Variants in BTBD9 observed in about 807,000 individuals in gnomAD.
BTBD9 encodes the protein BTB/POZ domain-containing protein 9.
In BTBD9, 49 loss-of-function variants were observed where a neutral mutation model predicts 64.3. The ratio of observed to expected loss-of-function variants is 0.76; its 90% CI spans 0.61 to 0.97. BTBD9 has a LOEUF of 0.97. BTBD9 is among the 50% of genes least tolerant of loss of function. The pLI, the probability that BTBD9 is intolerant of heterozygous loss-of-function variation, is 0.00. For missense variants in BTBD9, 598 were observed against 762.1 expected (o/e 0.78, Z 2.53); for synonymous variants, 260 against 274.7 (o/e 0.95, Z 0.53).
chr6:38,454,563 G>A (rs1346708602), intron 6 of BTBD9, among the ~76,000 whole-genome samples: 11 of 150,526 alleles, frequency 7.3e-5, no homozygotes, highest in Admixed American at 6.7e-4. Flanking sequence ...TTAGGAGGCC[G>A]ACACATGAGG....
chr6:38,518,306 C>T (rs960676950), intron 6 of BTBD9, among the ~76,000 whole-genome samples: 1 of 152,158 alleles, frequency 6.6e-6, no homozygotes, highest in Admixed American at 6.5e-5. Flanking sequence ...CTCCTCCCAA[C>T]GTGAAAAGAG....
intron 6 of BTBD9, among the ~76,000 whole-genome samples, chr6:38,359,457 G>T (rs1764867585): frequency 6.6e-6 from 1 of 152,186 alleles, no homozygotes. Flanking sequence ...GTCTTCTGGA[G>T]TCCCTGTCAG....
chr6:38,220,873 T>C lies in BTBD9; in HGVS notation c.1563-28276A>G, dbSNP rs140725576. On this transcript the variant is annotated intron_variant, in intron 9 of 10. Transcript: ENST00000481247. ...TCTCCTTTCCAGCTCCCTCCACCCA[T>C]GCATGTGAGTCTAGGCTTGGGGATG... is the stretch of plus-strand genomic sequence containing the variant. Among the ~76,000 whole-genome samples the C allele has an allele frequency of 6.6e-5, 10 of 152,292 alleles. No individual in the cohort carries two copies. The East Asian group carries it at 1.9e-3, about 29-fold the overall frequency.
Position 38,175,067 on chromosome 6 carries a change from T to C in BTBD9, c.1757A>G (p.His586Arg). 6.2e-7 allele frequency: 1 copy of C among 1,614,230 alleles called. No individual in the cohort carries two copies. The highest frequency in any genetic ancestry group is 8.5e-7 in the Non-Finnish European group (1 of 1,180,048). ...TSLAGQQLDS[H>R]ALRAPSGSSL... is the part of the protein sequence containing the mutation. ...GCTGCCACTAGGCGCCCGCAGCGCA[T>C]GGGAGTCGAGCTGCTGACCGGCCAG... Residue 586 changes from histidine (H) to arginine (R), a missense_variant, in exon 11 of 11, where the codon CAT (histidine) becomes CGT (arginine). By Grantham distance (29) the His-to-Arg change is conservative. Coordinates refer to ENST00000481247, the MANE Select transcript of BTBD9 (RefSeq NM_001099272.2).
intron 4 of BTBD9, chr6:38,588,448 AC>A (rs769151745): frequency 1.2e-6 from 1 of 809,950 alleles, no homozygotes; most frequent in Non-Finnish European, 2.1e-6. Flanking sequence ...AAGTAGCATG[AC>A]CCCTCCTCCA....
At chr6:38,306,166 G>A (rs988912391) in intron 7 of BTBD9, among the ~76,000 whole-genome samples, 5 of 152,152 alleles carry the variant, frequency 3.3e-5, no homozygotes, top group East Asian at 1.9e-4. Context: ...TTTCATATGC[G>A]TCTGATAAAT....
At chr6:38,578,953 G>A (rs920055305) in intron 5 of BTBD9, among the ~76,000 whole-genome samples, 3 of 151,966 alleles carry the variant, frequency 2.0e-5, no homozygotes, top group African/African-American at 7.3e-5. Flanking sequence ...AGTGAAATAC[G>A]TAAAGCTTTT....
At chr6:38,393,981 G>A (rs752009464) in intron 6 of BTBD9, among the ~76,000 whole-genome samples, 3 of 152,158 alleles carry the variant, frequency 2.0e-5, no homozygotes, top group Non-Finnish European at 4.4e-5. Context: ...CAGTTCTCTA[G>A]GAGTTCAGAG....
chr6:38,549,952 T>C (rs747829724), intron 6 of BTBD9, among the ~76,000 whole-genome samples: 2 of 152,116 alleles, frequency 1.3e-5, no homozygotes, highest in Non-Finnish European at 2.9e-5. Flanking sequence ...CTTCCCTGCT[T>C]GGCTTTCAAG....
At chr6:38,325,232 A>G (rs1395793109) in intron 7 of BTBD9, among the ~76,000 whole-genome samples, 2 of 152,192 alleles carry the variant, frequency 1.3e-5, no homozygotes, top group African/African-American at 4.8e-5. Flanking sequence ...GGAGTATATT[A>G]AGGAAATAAA....
chr6:38,271,929 C>T (rs924455733), intron 8 of BTBD9, among the ~76,000 whole-genome samples: 1 of 150,762 alleles, frequency 6.6e-6, no homozygotes, highest in African/African-American at 2.4e-5. Context: ...TGCCTTTCAC[C>T]CTAAATTTCT....
intron 1 of BTBD9, among the ~76,000 whole-genome samples, chr6:38,613,578 T>C (rs1777689109): frequency 6.6e-6 from 1 of 151,988 alleles, no homozygotes; most frequent in South Asian, 2.1e-4. Flanking sequence ...CACTCCAACC[T>C]GGGCGACAGG....
chr6:38,266,596 GGAAAGAAAGGAAAGAAAGAAAGAAA>G (rs1429101032), intron 8 of BTBD9, among the ~76,000 whole-genome samples: 137 of 91,618 alleles, frequency 1.5e-3, no homozygotes, highest in Non-Finnish European at 2.0e-3. Context: ...AGGAAAGAAA[GGAAAGAAAGGAAAGAAAGAAAGAAA>G]GAAAGAAAGA....
intron 6 of BTBD9, among the ~76,000 whole-genome samples, chr6:38,543,440 T>G (rs1774378870): frequency 1.3e-5 from 2 of 152,230 alleles, no homozygotes; most frequent in Non-Finnish European, 2.9e-5. Flanking sequence ...GTAATTCCAG[T>G]GATTGGCACT....
intron 1 of BTBD9, among the ~76,000 whole-genome samples, chr6:38,622,701 C>T (rs1193520620): frequency 6.6e-6 from 1 of 152,190 alleles, no homozygotes; most frequent in East Asian, 1.9e-4. Context: ...CCAATGCAAC[C>T]TGTTATCAGG....
chr6:38,437,247 C>A (rs1768783799), intron 6 of BTBD9, among the ~76,000 whole-genome samples: 1 of 152,134 alleles, frequency 6.6e-6, no homozygotes, highest in African/African-American at 2.4e-5. Context: ...TGGATGTGTG[C>A]CACTGCCTCA....
At chr6:38,319,245 C>T (rs1245315978) in intron 7 of BTBD9, among the ~76,000 whole-genome samples, 1 of 152,192 alleles carries the variant, frequency 6.6e-6, no homozygotes, top group Non-Finnish European at 1.5e-5. Context: ...CCACTTGGTG[C>T]TCTTCCTCAC....
At chr6:38,590,579 A>G (rs1051770332) in intron 4 of BTBD9, among the ~76,000 whole-genome samples, 1 of 152,232 alleles carries the variant, frequency 6.6e-6, no homozygotes, top group African/African-American at 2.4e-5. Context: ...TCAAGAAGAG[A>G]TAACTCAGGG....
At chr6:38,486,804 T>C (rs2127386807) in intron 6 of BTBD9, among the ~76,000 whole-genome samples, 1 of 152,298 alleles carries the variant, frequency 6.6e-6, no homozygotes, top group South Asian at 2.1e-4. Context: ...GCCAAAACAC[T>C]TGTTGAACAC....
Sources: allele counts gnomAD v4.1 joint callset (sites outside exome capture counted in the v4.1 genomes callset), GRCh38; gene constraint gnomAD v4.1.1; transcripts MANE v1.5; gene names NCBI Gene and HGNC (gene_info 2026-07-23, HGNC 2026-07-21).